The following GNA12 variants were observed in gnomAD, a reference collection of about 807,000 sequenced individuals.
GNA12 encodes guanine nucleotide-binding protein subunit alpha-12.
Under a neutral mutation model 26.0 loss-of-function variants are expected in GNA12, and 9 were observed. That is an observed-to-expected ratio of 0.35 (90% CI 0.21 to 0.60). The LOEUF (loss-of-function observed/expected upper bound fraction) is 0.60, where lower values mean the gene tolerates loss of function less well. Among genes scored for constraint, GNA12 ranks in the 20% least tolerant of loss-of-function variants. The pLI is 0.78. For missense variants in GNA12, 405 were observed against 525.8 expected, an observed-to-expected ratio of 0.77 and a Z score of 2.25; for synonymous variants, 264 against 219.6, an observed-to-expected ratio of 1.20 and a Z score of -1.79.
chr7:2,785,867 C>T (rs984236198), intron 2 of GNA12, among the ~76,000 whole-genome samples: 6 of 151,870 alleles, frequency 4.0e-5, no homozygotes, highest in African/African-American at 1.2e-4. Context: ...GCCAACATGG[C>T]GAAACCATAT....
At chr7:2,768,418 T>C (rs1216403729) in intron 2 of GNA12, among the ~76,000 whole-genome samples, 3 of 152,184 alleles carry the variant, frequency 2.0e-5, no homozygotes, top group African/African-American at 4.8e-5. Context: ...ACGTTTTTCC[T>C]AGTATTTCTC....
chr7:2,808,176 G>C (rs1047801674), intron 1 of GNA12, among the ~76,000 whole-genome samples: 11 of 152,130 alleles, frequency 7.2e-5, no homozygotes, highest in African/African-American at 2.7e-4. Context: ...TATCTCTTTC[G>C]GGAATCTGTG....
At chr7:2,839,290 G>A (rs571244242) in intron 1 of GNA12, among the ~76,000 whole-genome samples, 104 of 152,286 alleles carry the variant, frequency 6.8e-4, no homozygotes, top group African/African-American at 2.4e-3. Context: ...ATAAAGTGCA[G>A]TGGCACGATG....
intron 1 of GNA12, chr7:2,814,931 T>C (rs1306392517): frequency 1.3e-6 from 2 of 1,589,090 alleles, no homozygotes; most frequent in Admixed American, 3.5e-5. Flanking sequence ...TCCGTTTCAT[T>C]TCAAATGCCT....
chr7:2,821,427 A>C (rs1793367927), intron 1 of GNA12, among the ~76,000 whole-genome samples: 1 of 152,240 alleles, frequency 6.6e-6, no homozygotes, highest in Admixed American at 6.5e-5. Context: ...GACCGCAGAG[A>C]AATCACGGCC....
At chr7:2,826,170 A>G (rs1432519770) in intron 1 of GNA12, among the ~76,000 whole-genome samples, 1 of 151,936 alleles carries the variant, frequency 6.6e-6, no homozygotes, top group Non-Finnish European at 1.5e-5. Context: ...CGAGGTCAGG[A>G]GTTTGAAACC....
chr7:2,783,272 C>G (rs989674258), intron 2 of GNA12, among the ~76,000 whole-genome samples: 1 of 152,206 alleles, frequency 6.6e-6, no homozygotes, highest in African/African-American at 2.4e-5. Flanking sequence ...GGTATGTTAT[C>G]TGTTTGGTGT....
intron 2 of GNA12, among the ~76,000 whole-genome samples, chr7:2,786,361 C>T (rs1562427409): frequency 1.3e-5 from 2 of 151,714 alleles, no homozygotes; most frequent in Non-Finnish European, 2.9e-5. Flanking sequence ...GGGCGCCTGG[C>T]GATAAGACTG....
intron 2 of GNA12, among the ~76,000 whole-genome samples, chr7:2,760,141 G>A (rs1478689840): frequency 2.0e-5 from 3 of 152,258 alleles, no homozygotes; most frequent in South Asian, 2.1e-4. Flanking sequence ...AGAGCCCCAC[G>A]TGATGGACGT....
rs1264462135 is a variant in GNA12 at position 2,748,822 on chromosome 7, C to A, written c.526-15321G>T. On this transcript the variant is annotated intron_variant, in intron 2 of 3. Transcript: ENST00000275364. ...CTCAAACAAATTTACAAGAAAAAAA[C>A]AAACAACCCCATCAAAAAGTGGGCA... Among the ~76,000 whole-genome samples the A allele has an allele frequency of 9.4e-3, 1,432 of 152,104 alleles. 12 individuals are homozygous for A. The highest frequency in any genetic ancestry group is 0.032 in the African/African-American group (1,340 of 41,476).
chr7:2,809,145 C>T (rs1793017914), intron 1 of GNA12, among the ~76,000 whole-genome samples: 1 of 152,210 alleles, frequency 6.6e-6, no homozygotes, highest in Admixed American at 6.5e-5. Context: ...AGAGTCCACT[C>T]AGCATCTCCT....
chr7:2,815,984 G>C (rs1485348700), intron 1 of GNA12, among the ~76,000 whole-genome samples: 1 of 152,252 alleles, frequency 6.6e-6, no homozygotes, highest in African/African-American at 2.4e-5. Flanking sequence ...TGGCAAAGCT[G>C]GGCCTGCGTG....
intron 2 of GNA12, among the ~76,000 whole-genome samples, chr7:2,769,499 G>A (rs1162682974): frequency 1.3e-5 from 2 of 151,920 alleles, no homozygotes; most frequent in African/African-American, 4.8e-5. Flanking sequence ...GGGAGGCCGA[G>A]GTCGGCGGAT....
intron 2 of GNA12, among the ~76,000 whole-genome samples, chr7:2,793,969 T>A (rs985253172): frequency 6.7e-6 from 1 of 148,606 alleles, no homozygotes; most frequent in Admixed American, 6.7e-5. Context: ...AAAGAAGGAA[T>A]GGATCCTAGT....
intron 2 of GNA12, among the ~76,000 whole-genome samples, chr7:2,791,468 A>C (rs1792516988): frequency 6.6e-6 from 1 of 151,894 alleles, no homozygotes; most frequent in African/African-American, 2.4e-5. Context: ...GGTAATCACC[A>C]GACACAGCCT....
intron 2 of GNA12, chr7:2,764,590 C>T (rs1791726316): frequency 6.6e-6 from 1 of 152,242 alleles, no homozygotes; most frequent in South Asian, 2.1e-4. Flanking sequence ...TGAATGATCT[C>T]CTCTGCCATG....
intron 1 of GNA12, among the ~76,000 whole-genome samples, chr7:2,805,384 C>A (rs1223068276): frequency 3.3e-5 from 5 of 152,176 alleles, no homozygotes; most frequent in African/African-American, 7.2e-5. Flanking sequence ...CAAGCCTGAC[C>A]GATTTAGTTT....
At chr7:2,776,101 G>A (rs1036998036) in intron 2 of GNA12, among the ~76,000 whole-genome samples, 7 of 152,122 alleles carry the variant, frequency 4.6e-5, no homozygotes, top group African/African-American at 1.7e-4. Flanking sequence ...AGGTTAGACC[G>A]CTCATTGCAG....
intron 2 of GNA12, among the ~76,000 whole-genome samples, chr7:2,759,361 T>C (rs139235813): frequency 0.015 from 2,241 of 152,220 alleles, 42 homozygotes; most frequent in Admixed American, 0.043. Context: ...CCTGCACTGT[T>C]CTAAGGGCCT....
Sources: allele counts gnomAD v4.1 joint callset (sites outside exome capture counted in the v4.1 genomes callset), GRCh38; gene constraint gnomAD v4.1.1; transcripts MANE v1.5; gene names NCBI Gene and HGNC (gene_info 2026-07-23, HGNC 2026-07-21).